The following BAIAP3 variants were observed in gnomAD, a reference collection of about 807,000 sequenced individuals.
BAIAP3 encodes BAI1-associated protein 3.
A neutral mutation model predicts 149.7 loss-of-function variants in BAIAP3; 180 were observed. That is an observed-to-expected ratio of 1.20 (90% CI 1.07 to 1.36). BAIAP3 has a LOEUF of 1.36. Among genes scored for constraint, BAIAP3 ranks in the 40% most tolerant of loss-of-function variants. The pLI is 0.00. For missense variants in BAIAP3, 1,767 were observed against 1,563.4 expected, an observed-to-expected ratio of 1.13 and a Z score of -2.20; for synonymous variants, 845 against 670.7, an observed-to-expected ratio of 1.26 and a Z score of -4.02.
At chr16:1,336,141 T>C (rs942253672) in intron 1 of BAIAP3, 14 of 918,132 alleles carry the variant, frequency 1.5e-5, no homozygotes, top group Admixed American at 6.2e-5. Context: ...ATCGCCCCTG[T>C]CACACGCACA....
chr16:1,346,200 G>C lies in BAIAP3; in HGVS notation c.2332G>C (p.Val778Leu). Residue 778 changes from valine (V) to leucine (L), a missense_variant, in exon 25 of 34, where the codon GTG becomes CTG. Physicochemically the swap from Val to Leu is conservative, Grantham distance 32. Coordinates refer to ENST00000426824, the MANE Select transcript of BAIAP3 (RefSeq NM_001199097.2). ...LCVVLNNVEL[V>L]RKAAGQALKG... ...CGTGGTCCTCAACAATGTGGAGCTCGTGCGCAAGGCTGCTGGGCAGGCCTT... is the reference window on the plus strand; with the variant it reads ...CGTGGTCCTCAACAATGTGGAGCTCCTGCGCAAGGCTGCTGGGCAGGCCTT... 2.5e-6 allele frequency: 4 copies of C among 1,612,040 alleles called. No homozygotes were observed. Among genetic ancestry groups the C allele is most frequent in the Non-Finnish European group, 3.4e-6 (4 of 1,179,852 alleles).
At chr16:1,341,906 A>G (rs1567163470) in intron 9 of BAIAP3, 40 bp downstream of exon 9, 1 of 1,601,378 alleles carries the variant, frequency 6.2e-7, no homozygotes. Context: ...GGGGATGCAC[A>G]CCTTTTGCGG....
Position 1,347,882 on chromosome 16 carries a change from G to C in BAIAP3, c.3026-12G>C. ...GATGGGGGCAGGGGGGCTCACGACTGTGCTCCTGCAGGCTTAAGTGACCCC... is the reference window on the plus strand; with the variant it reads ...GATGGGGGCAGGGGGGCTCACGACTCTGCTCCTGCAGGCTTAAGTGACCCC... On this transcript the variant is annotated splice_polypyrimidine_tract_variant and intron_variant, in intron 31 of 33. Coordinates refer to ENST00000426824, the MANE Select transcript of BAIAP3 (RefSeq NM_001199097.2). 6.2e-7 allele frequency: 1 copy of C among 1,610,958 alleles called. No individual in the cohort carries two copies. Among genetic ancestry groups the C allele is most frequent in the Non-Finnish European group, 8.5e-7 (1 of 1,179,618 alleles).
At chr16:1,343,607 C>T (rs1596577545) in intron 15 of BAIAP3, 94 bp downstream of exon 15, 1 of 1,515,200 alleles carries the variant, frequency 6.6e-7, no homozygotes, top group East Asian at 2.4e-5. Context: ...CAGAGTCCTG[C>T]CCGCGTGGGG....
At position 1,341,306 on chromosome 16, in the gene BAIAP3, C is replaced by T. The variant is rs1451373374; in HGVS notation, c.548C>T (p.Pro183Leu). 14 of 1,610,294 alleles carry T rather than the reference C, an allele frequency of 8.7e-6. No individual in the cohort carries two copies. The highest frequency in any genetic ancestry group is 1.1e-5 in the Non-Finnish European group (13 of 1,178,396). ...CTGCCGTGCCCAGGCTTCAGCGACC[C>T]ATACTGCATGCTGGGCATCCTGCCT... is the stretch of plus-strand genomic sequence containing the variant. ...LAKDPNGFSD[P>L]YCMLGILPAS... is the part of the protein sequence containing the mutation. Residue 183 changes from proline (P) to leucine (L), a missense_variant, in exon 8 of 34, where the codon CCA becomes CTA. Physicochemically the swap from Pro to Leu is moderately conservative, Grantham distance 98 (BLOSUM62 -3). Transcript: ENST00000426824.
At chr16:1,339,445 G>C in intron 4 of BAIAP3, 51 bp from the exon 5 acceptor site, 1 of 1,557,940 alleles carries the variant, frequency 6.4e-7, no homozygotes, top group Non-Finnish European at 8.8e-7. Context: ...GTGCTGCTGA[G>C]GGCTGGGGGC....
chr16:1,340,414 A>G (rs1202307522), intron 5 of BAIAP3, among the ~76,000 whole-genome samples: 1 of 97,176 alleles, frequency 1.0e-5, no homozygotes, highest in African/African-American at 3.1e-5. Flanking sequence ...ATGCACGCAC[A>G]TAGGCTGCAG....
chr16:1,342,947 CA>C lies in BAIAP3; in HGVS notation c.1197del (p.Pro400GlnfsTer104). On this transcript the variant is annotated frameshift_variant, in exon 14 of 34. Coordinates refer to ENST00000426824, the MANE Select transcript of BAIAP3 (RefSeq NM_001199097.2). LOFTEE classifies it high-confidence loss of function. ...NSSSWRGELS[T>X]PAATILCLHG... ...AGCAGCTGGCGAGGAGAGCTCAGCACACCAGCCGCCACCATCCTCTGCCTGC... is the reference window on the plus strand; with the variant it reads ...AGCAGCTGGCGAGGAGAGCTCAGCACCCAGCCGCCACCATCCTCTGCCTGC... 6.2e-7 allele frequency: 1 copy of C among 1,612,168 alleles called. No homozygotes were observed. Among genetic ancestry groups the C allele is most frequent in the South Asian group, 1.1e-5 (1 of 91,086 alleles).
intron 1 of BAIAP3, chr16:1,334,699 C>G (rs2033346018): frequency 6.4e-7 from 1 of 1,555,860 alleles, no homozygotes. Flanking sequence ...GCGGGCCCGC[C>G]AGGTGACCTG....
Position 1,348,687 on chromosome 16 carries a change from A to C in BAIAP3, c.*205A>C. 1 of 609,268 alleles carries C rather than the reference A, an allele frequency of 1.6e-6. No individual in the cohort carries two copies. Among genetic ancestry groups the C allele is most frequent in the East Asian group, 2.8e-5 (1 of 35,624 alleles). The allele number at this position is 609,268 out of a possible 1,614,324, so 37.7% of individuals were successfully genotyped here. On this transcript the variant is annotated 3_prime_UTR_variant, in exon 34 of 34. Transcript: ENST00000426824. ...TGTGAACCCCTGCACCCAACCCCAC[A>C]TCTGGGTGGCCAACTTGGCAGGACT... is the stretch of plus-strand genomic sequence containing the variant.
chr16:1,343,658 C>T (rs2034094151), intron 15 of BAIAP3, 145 bp downstream of exon 15: 2 of 1,321,166 alleles, frequency 1.5e-6, no homozygotes, highest in Non-Finnish European at 2.1e-6. Flanking sequence ...TGGGCGAGAG[C>T]CAGCGCTCTG....
chr16:1,346,179 GTCC>G lies in BAIAP3; in HGVS notation c.2314_2316del (p.Leu772del), dbSNP rs2034349834. On this transcript the variant is annotated inframe_deletion, in exon 25 of 34. Transcript: ENST00000426824. ...GCCACACCTCCTCCAGCTCTGCGTG[GTCC>G]TCAACAATGTGGAGCTCGTGCGCAA... 4 of 1,611,434 alleles carry G rather than the reference GTCC, an allele frequency of 2.5e-6. No individual in the cohort carries two copies. Among genetic ancestry groups the G allele is most frequent in the Non-Finnish European group, 3.4e-6 (4 of 1,179,834 alleles).
intron 1 of BAIAP3, 88 bp from the exon 2 acceptor site, chr16:1,338,452 C>CCG: frequency 4.7e-6 from 1 of 211,090 alleles, no homozygotes; most frequent in Non-Finnish European, 1.0e-5. Context: ...CACCTCTTCC[C>CCG]GCCCCACCCC....
In BAIAP3 at chr16:1,345,356, C is replaced by A; in HGVS notation, c.2048C>A (p.Ala683Asp). 6.2e-7 allele frequency: 1 copy of A among 1,612,500 alleles called. No homozygotes were observed. ...RDQAKWRLQG[A>D]VDMDTLEPVD... is the part of the protein sequence containing the mutation. Reference sequence around the variant, plus strand: ...CAGGCCAAGTGGAGGCTTCAGGGAGCCGTGGACATGGACACGGTGACAGCT... The same window carrying A: ...CAGGCCAAGTGGAGGCTTCAGGGAGACGTGGACATGGACACGGTGACAGCT... Residue 683 changes from alanine (A) to aspartate (D), a missense_variant, in exon 22 of 34, where the codon GCC becomes GAC. Transcript: ENST00000426824.
At chr16:1,341,681 C>T (rs1385680627) in intron 8 of BAIAP3, 141 bp from the exon 9 acceptor site, 25 of 1,182,292 alleles carry the variant, frequency 2.1e-5, no homozygotes, top group South Asian at 2.9e-5. Flanking sequence ...CAACACCTGG[C>T]GGGATCAGGA....
At chr16:1,341,038 C>T in intron 6 of BAIAP3, 57 bp downstream of exon 6, 1 of 1,610,054 alleles carries the variant, frequency 6.2e-7, no homozygotes, top group Admixed American at 1.7e-5. Flanking sequence ...GTGGCGGGGG[C>T]ACGGGGCAAG....
intron 8 of BAIAP3, among the ~76,000 whole-genome samples, 165 bp downstream of exon 8, chr16:1,341,654 C>T (rs1471605082): frequency 3.3e-5 from 5 of 152,190 alleles, no homozygotes; most frequent in South Asian, 2.1e-4. Flanking sequence ...GTTGTGCCAC[C>T]GGGGCCACAC....
chr16:1,346,709 G>T, intron 27 of BAIAP3, 25 bp downstream of exon 27: 1 of 1,497,454 alleles, frequency 6.7e-7, no homozygotes. Context: ...GGTGGGATGG[G>T]CTGGGCTGGC....
intron 6 of BAIAP3, 39 bp from the exon 7 acceptor site, chr16:1,341,090 C>G (rs1383745692): frequency 1.2e-6 from 2 of 1,610,528 alleles, no homozygotes; most frequent in East Asian, 2.2e-5. Flanking sequence ...TGGGGGGCAG[C>G]TCAGCCTCAC....
Sources: gnomAD v4.1 joint callset for allele counts (sites outside exome capture counted in the v4.1 genomes callset) on GRCh38, gnomAD v4.1.1 for gene constraint, MANE v1.5 for transcripts, NCBI Gene and HGNC (gene_info 2026-07-23, HGNC 2026-07-21) for gene names.